The following LRRTM4 variants were observed in gnomAD, a reference collection of about 807,000 sequenced individuals.
LRRTM4 encodes leucine-rich repeat transmembrane neuronal protein 4.
In LRRTM4, 25 loss-of-function variants were observed where a neutral mutation model predicts 47.6. The observed-to-expected ratio is 0.53, with a 90% CI of 0.38 to 0.73. The LOEUF is 0.73. Among genes scored for constraint, LRRTM4 ranks in the 30% least tolerant of loss-of-function variants. LRRTM4 has a pLI of 0.00. For missense variants in LRRTM4, 638 were observed against 713.4 expected, an observed-to-expected ratio of 0.89 and a Z score of 1.20; for synonymous variants, 311 against 269.5, an observed-to-expected ratio of 1.15 and a Z score of -1.51.
intron 3 of LRRTM4, among the ~76,000 whole-genome samples, chr2:77,384,323 C>T (rs1191718789): frequency 6.6e-6 from 1 of 151,546 alleles, no homozygotes; most frequent in Non-Finnish European, 1.5e-5. Context: ...ATTTGAATTT[C>T]AGTATTGATA....
intron 3 of LRRTM4, among the ~76,000 whole-genome samples, chr2:77,490,824 C>A (rs1175138165): frequency 6.6e-6 from 1 of 151,482 alleles, no homozygotes; most frequent in African/African-American, 2.4e-5. Context: ...CTATTGGAAC[C>A]AATTTTTCTT....
At chr2:77,506,709 T>C (rs1678790275) in intron 3 of LRRTM4, among the ~76,000 whole-genome samples, 1 of 151,964 alleles carries the variant, frequency 6.6e-6, no homozygotes, top group African/African-American at 2.4e-5. Flanking sequence ...ACATTTTTTA[T>C]TCTTTCTGGC....
intron 3 of LRRTM4, among the ~76,000 whole-genome samples, chr2:76,922,366 G>A (rs1351162292): frequency 6.6e-6 from 1 of 151,966 alleles, no homozygotes; most frequent in Non-Finnish European, 1.5e-5. Flanking sequence ...GGCAGAGCAG[G>A]AGAGAGAGAG....
chr2:77,412,682 C>G (rs572624425), intron 3 of LRRTM4, among the ~76,000 whole-genome samples: 1 of 152,268 alleles, frequency 6.6e-6, no homozygotes, highest in African/African-American at 2.4e-5. Flanking sequence ...GTGTACAAAA[C>G]TAATCAGAAA....
intron 3 of LRRTM4, among the ~76,000 whole-genome samples, chr2:77,045,585 C>A (rs1430206641): frequency 1.3e-5 from 2 of 151,796 alleles, no homozygotes; most frequent in African/African-American, 4.8e-5. Context: ...TCCTGTGCTA[C>A]TCTCCTGATA....
intron 3 of LRRTM4, among the ~76,000 whole-genome samples, chr2:77,209,876 A>C (rs1674243947): frequency 6.6e-6 from 1 of 152,222 alleles, no homozygotes; most frequent in African/African-American, 2.4e-5. Flanking sequence ...GGACTAAAAA[A>C]GTAAAGCCCT....
intron 3 of LRRTM4, among the ~76,000 whole-genome samples, chr2:77,193,473 T>C (rs1471095671): frequency 1.3e-5 from 2 of 152,140 alleles, no homozygotes. Flanking sequence ...TAGTTGTCTG[T>C]ATAAAAATTG....
At chr2:77,521,373 T>A (rs564413706) in intron 2 of LRRTM4, among the ~76,000 whole-genome samples, 2 of 151,968 alleles carry the variant, frequency 1.3e-5, no homozygotes, top group African/African-American at 4.8e-5. Context: ...AAACACAGTA[T>A]TTATCTCCTT....
At chr2:77,078,023 G>A (rs1680395456) in intron 3 of LRRTM4, among the ~76,000 whole-genome samples, 1 of 152,120 alleles carries the variant, frequency 6.6e-6, no homozygotes, top group Non-Finnish European at 1.5e-5. Context: ...ACTACTTACA[G>A]GCAGTGAACT....
intron 3 of LRRTM4, among the ~76,000 whole-genome samples, chr2:76,984,762 A>G (rs76409591): frequency 0.016 from 2,417 of 152,052 alleles, 64 homozygotes; most frequent in African/African-American, 0.056. Context: ...AGGAGAATAA[A>G]CTCCTACTTG....
At chr2:76,899,580 T>A (rs1234893741) in intron 3 of LRRTM4, among the ~76,000 whole-genome samples, 2 of 152,050 alleles carry the variant, frequency 1.3e-5, no homozygotes. Context: ...CTAATGTGAA[T>A]TCATGTCTGA....
At chr2:77,144,255 T>A (rs1672198326) in intron 3 of LRRTM4, among the ~76,000 whole-genome samples, 1 of 152,058 alleles carries the variant, frequency 6.6e-6, no homozygotes, top group Admixed American at 6.6e-5. Context: ...GAACAGTCAC[T>A]CTGTGTAATT....
chr2:77,352,046 G>T (rs532245689), intron 3 of LRRTM4, among the ~76,000 whole-genome samples: 1 of 152,202 alleles, frequency 6.6e-6, no homozygotes, highest in African/African-American at 2.4e-5. Flanking sequence ...AGGTCAAGCT[G>T]CATAAAGATG....
intron 3 of LRRTM4, among the ~76,000 whole-genome samples, chr2:77,429,753 A>G (rs916991766): frequency 2.0e-5 from 3 of 152,302 alleles, no homozygotes; most frequent in Admixed American, 2.0e-4. Flanking sequence ...TAAAATTTCT[A>G]TTGAGACAGG....
At chr2:76,871,521 A>G (rs541762350) in intron 3 of LRRTM4, among the ~76,000 whole-genome samples, 25 of 152,216 alleles carry the variant, frequency 1.6e-4, no homozygotes, top group African/African-American at 5.8e-4. Context: ...GCCATAACCT[A>G]TGCATCCCAA....
intron 3 of LRRTM4, among the ~76,000 whole-genome samples, chr2:77,181,075 A>G (rs1033645089): frequency 6.6e-6 from 1 of 152,176 alleles, no homozygotes; most frequent in African/African-American, 2.4e-5. Flanking sequence ...TTACCAAAGA[A>G]ATATAATAAT....
At chr2:77,011,951 A>G (rs2104069841) in intron 3 of LRRTM4, among the ~76,000 whole-genome samples, 1 of 151,976 alleles carries the variant, frequency 6.6e-6, no homozygotes, top group African/African-American at 2.4e-5. Flanking sequence ...GGAAGATACC[A>G]CCCCACATTT....
chr2:77,511,873 T>G (rs1337547039), intron 3 of LRRTM4, among the ~76,000 whole-genome samples: 1 of 152,174 alleles, frequency 6.6e-6, no homozygotes, highest in African/African-American at 2.4e-5. Context: ...TCAAATGACT[T>G]TGCTGTCATT....
At chr2:77,245,621 C>A (rs1253279147) in intron 3 of LRRTM4, among the ~76,000 whole-genome samples, 2 of 106,390 alleles carry the variant, frequency 1.9e-5, no homozygotes, top group Non-Finnish European at 4.0e-5. Context: ...TCACTTTAAA[C>A]ACTTTTTTTT....
Sources: allele counts gnomAD v4.1 joint callset (sites outside exome capture counted in the v4.1 genomes callset), GRCh38; gene constraint gnomAD v4.1.1; transcripts MANE v1.5; gene names NCBI Gene and HGNC (gene_info 2026-07-23, HGNC 2026-07-21).